The following KCTD16 variants were observed in gnomAD, a reference collection of about 807,000 sequenced individuals.
KCTD16 encodes potassium channel tetramerization domain containing 16.
A neutral mutation model predicts 33.2 loss-of-function variants in KCTD16; 13 were observed. The ratio of observed to expected loss-of-function variants is 0.39; its 90% CI spans 0.25 to 0.62. KCTD16 has a LOEUF of 0.62. KCTD16 is among the 20% of genes least tolerant of loss of function. The pLI is 0.50. For missense variants in KCTD16, 441 were observed against 525.1 expected, an observed-to-expected ratio of 0.84 and a Z score of 1.57; for synonymous variants, 197 against 195.3, an observed-to-expected ratio of 1.01 and a Z score of -0.07.
chr5:144,179,396 T>C (rs1478897748), intron 2 of KCTD16, among the ~76,000 whole-genome samples: 4 of 152,220 alleles, frequency 2.6e-5, no homozygotes, highest in Admixed American at 6.5e-5. Flanking sequence ...CTCTAGATAC[T>C]GTACACCACA....
chr5:144,337,714 C>T (rs1253878194), intron 3 of KCTD16, among the ~76,000 whole-genome samples: 1 of 152,148 alleles, frequency 6.6e-6, no homozygotes, highest in Non-Finnish European at 1.5e-5. Context: ...ACTCAACTCT[C>T]GACAAGACCT....
At chr5:144,345,865 C>G (rs973413937) in intron 3 of KCTD16, among the ~76,000 whole-genome samples, 1 of 151,928 alleles carries the variant, frequency 6.6e-6, no homozygotes, top group Non-Finnish European at 1.5e-5. Flanking sequence ...TCTGATTATA[C>G]TCTTTAAGTT....
intron 3 of KCTD16, among the ~76,000 whole-genome samples, chr5:144,218,724 T>C (rs1753639612): frequency 6.6e-6 from 1 of 152,240 alleles, no homozygotes; most frequent in South Asian, 2.1e-4. Flanking sequence ...ATTATGATTT[T>C]AACTTTAACT....
At chr5:144,237,784 C>G (rs1186418054) in intron 3 of KCTD16, among the ~76,000 whole-genome samples, 1 of 152,040 alleles carries the variant, frequency 6.6e-6, no homozygotes, top group African/African-American at 2.4e-5. Context: ...GTTATAAGTC[C>G]CACAGCAGAA....
Position 144,485,299 on chromosome 5 carries a change from AAT to A in KCTD16, c.*11191_*11192del, listed in dbSNP as rs1271287064. On this transcript the variant is annotated 3_prime_UTR_variant, in exon 4 of 4. Transcript: ENST00000512467. Reference sequence around the variant, plus strand: ...ATGGAACAGCCCTGAGCAACATATAAATATATACATACATATCTATGTATGCA... The same window carrying A: ...ATGGAACAGCCCTGAGCAACATATAAATATACATACATATCTATGTATGCA... 1 of 151,898 alleles carries A rather than the reference AAT, an allele frequency of 6.6e-6. No homozygotes were observed. The highest frequency in any genetic ancestry group is 2.4e-5 in the African/African-American group (1 of 41,406). The allele number at this position is 151,898 out of a possible 1,614,324, so 9.4% of individuals were successfully genotyped here. A position where few individuals can be genotyped will look rare whatever the true frequency, so the allele number is the denominator to read the frequency against.
intron 3 of KCTD16, among the ~76,000 whole-genome samples, chr5:144,420,055 A>G (rs1170075368): frequency 5.3e-5 from 8 of 152,204 alleles, no homozygotes; most frequent in Admixed American, 3.9e-4. Flanking sequence ...AGCATGTATC[A>G]GGTACTAAGT....
chr5:144,340,240 A>G (rs1481342606), intron 3 of KCTD16, among the ~76,000 whole-genome samples: 1 of 151,832 alleles, frequency 6.6e-6, no homozygotes, highest in Admixed American at 6.6e-5. Context: ...GTCTCTACTA[A>G]AAATACAAAA....
chr5:144,358,090 A>ATTTTTT (rs539287370), intron 3 of KCTD16, among the ~76,000 whole-genome samples: 28 of 114,428 alleles, frequency 2.4e-4, no homozygotes, highest in Non-Finnish European at 2.7e-4. Flanking sequence ...CACCCGGCTA[A>ATTTTTT]TTTTTTTTTT....
At chr5:144,430,492 G>T (rs926141493) in intron 3 of KCTD16, among the ~76,000 whole-genome samples, 1 of 152,064 alleles carries the variant, frequency 6.6e-6, no homozygotes, top group African/African-American at 2.4e-5. Flanking sequence ...TGTGGCCTCA[G>T]GCAAGTCAAT....
chr5:144,444,469 G>A, intron 3 of KCTD16, among the ~76,000 whole-genome samples: 1 of 152,002 alleles, frequency 6.6e-6, no homozygotes, highest in East Asian at 1.9e-4. Flanking sequence ...AAGCTTTTAA[G>A]CTAAATTCAT....
intron 2 of KCTD16, among the ~76,000 whole-genome samples, chr5:144,199,218 G>A (rs1436968042): frequency 2.6e-5 from 4 of 152,134 alleles, no homozygotes; most frequent in African/African-American, 4.8e-5. Context: ...TGACAACAAA[G>A]ACGCCTTTTG....
rs561271123 is a variant in KCTD16 at position 144,280,699 on chromosome 5, C to T, written c.832+73153C>T. 9.6e-4 allele frequency among the ~76,000 whole-genome samples: 146 copies of T among 152,202 alleles called. 1 individual carries two copies. Among genetic ancestry groups the T allele is most frequent in the African/African-American group, 2.0e-3 (82 of 41,542 alleles). ...CAGCACTTCGGGAGGCCAAGGCGGG[C>T]GGATCACGAGGTCAGGAGATCGAGA... On this transcript the variant is annotated intron_variant, in intron 3 of 3. Coordinates refer to ENST00000512467, the MANE Select transcript of KCTD16 (RefSeq NM_020768.4).
At chr5:144,388,702 A>G (rs1752385664) in intron 3 of KCTD16, among the ~76,000 whole-genome samples, 1 of 152,186 alleles carries the variant, frequency 6.6e-6, no homozygotes, top group Non-Finnish European at 1.5e-5. Context: ...AATATGATTA[A>G]GCCCTGTTAC....
chr5:144,250,591 T>C (rs1754671183), intron 3 of KCTD16, among the ~76,000 whole-genome samples: 1 of 152,234 alleles, frequency 6.6e-6, no homozygotes, highest in South Asian at 2.1e-4. Flanking sequence ...ACATTTGCTC[T>C]CAAATAACTA....
chr5:144,370,478 T>C (rs1751943489), intron 3 of KCTD16, among the ~76,000 whole-genome samples: 1 of 152,168 alleles, frequency 6.6e-6, no homozygotes, highest in African/African-American at 2.4e-5. Context: ...TGGCTCCACC[T>C]GAAAGAACAA....
chr5:144,451,086 A>G (rs993168493), intron 3 of KCTD16, among the ~76,000 whole-genome samples: 3 of 152,106 alleles, frequency 2.0e-5, no homozygotes, highest in African/African-American at 7.2e-5. Flanking sequence ...CTGCTTTTAT[A>G]TACCAGTTAT....
intron 3 of KCTD16, among the ~76,000 whole-genome samples, chr5:144,462,262 C>A (rs1300311173): frequency 6.6e-6 from 1 of 152,150 alleles, no homozygotes; most frequent in Non-Finnish European, 1.5e-5. Flanking sequence ...ACTCTCCTCA[C>A]TTCCTTTGTC....
At chr5:144,384,324 G>A (rs11744090) in intron 3 of KCTD16, 99,596 of 151,988 alleles carry the variant, frequency 0.66, 33,469 homozygotes, top group South Asian at 0.88. Flanking sequence ...TAGAACTGGA[G>A]GCTAAGGAAG....
intron 3 of KCTD16, among the ~76,000 whole-genome samples, chr5:144,322,478 C>A (rs182211537): frequency 6.6e-6 from 1 of 151,644 alleles, no homozygotes; most frequent in Non-Finnish European, 1.5e-5. Context: ...AGCTTACCAC[C>A]ATGAAAGAAA....
Sources: allele counts gnomAD v4.1 joint callset (sites outside exome capture counted in the v4.1 genomes callset), GRCh38; gene constraint gnomAD v4.1.1; transcripts MANE v1.5; gene names NCBI Gene and HGNC (gene_info 2026-07-23, HGNC 2026-07-21).